The following TAOK3 variants were observed in gnomAD, a reference collection of about 807,000 sequenced individuals.
TAOK3 encodes the protein serine/threonine-protein kinase TAO3.
A neutral mutation model predicts 120.4 loss-of-function variants in TAOK3; 40 were observed. The observed-to-expected ratio is 0.33, with a 90% CI of 0.26 to 0.43. TAOK3 has a LOEUF of 0.43. Ranked by LOEUF, TAOK3 falls within the 20% of genes least tolerant of loss-of-function variation. The probability of loss-of-function intolerance (pLI) is 1.00; values close to 1 mark genes in which losing one functional copy is unlikely to be tolerated. For synonymous variants in TAOK3, 355 were observed against 387.5 expected (o/e 0.92, Z 0.99); for missense variants, 821 against 1,112.1 (o/e 0.74, Z 3.72).
intron 2 of TAOK3, among the ~76,000 whole-genome samples, chr12:118,265,643 G>A (rs114242323): frequency 2.1e-3 from 327 of 152,218 alleles, no homozygotes; most frequent in African/African-American, 7.5e-3. Flanking sequence ...TGGGGTAAGG[G>A]TATAAGAAAA....
intron 17 of TAOK3, among the ~76,000 whole-genome samples, chr12:118,164,085 G>A (rs1034218405): frequency 6.6e-6 from 1 of 151,714 alleles, no homozygotes; most frequent in East Asian, 2.0e-4. Context: ...CACTTTGGGA[G>A]GCCGAGGCGG....
chr12:118,248,717 G>A (rs937493990), intron 3 of TAOK3, among the ~76,000 whole-genome samples: 5 of 152,016 alleles, frequency 3.3e-5, no homozygotes, highest in African/African-American at 1.2e-4. Context: ...TATAATTAAT[G>A]CTATATTTGG....
chr12:118,303,805 A>G (rs1437101380), intron 1 of TAOK3, among the ~76,000 whole-genome samples: 1 of 151,982 alleles, frequency 6.6e-6, no homozygotes, highest in Non-Finnish European at 1.5e-5. Flanking sequence ...CTGCCAGCAT[A>G]CCCAGCTAAT....
At position 118,371,336 on chromosome 12, in the gene TAOK3, C is replaced by T. The variant is rs1212185305; in HGVS notation, c.-194+1312G>A. The stretch of plus-strand genomic sequence containing the variant: ...TTTTCATTAAGATCAGGAAGCCCCT[C>T]GCTTTCAAGACATCCACATCAGACT... On this transcript the variant is annotated intron_variant, in intron 1 of 20. Transcript: ENST00000392533. The surrounding 1 kb of genome is among the most constrained non-coding windows in gnomAD (Gnocchi z 5.5). Among the ~76,000 whole-genome samples, 1 of 152,172 alleles carries T rather than the reference C, an allele frequency of 6.6e-6. No homozygotes were observed. Among genetic ancestry groups the T allele is most frequent in the African/African-American group, 2.4e-5 (1 of 41,450 alleles).
intron 1 of TAOK3, among the ~76,000 whole-genome samples, chr12:118,304,405 T>C (rs908338852): frequency 1.3e-5 from 2 of 152,188 alleles, no homozygotes; most frequent in South Asian, 2.1e-4. Flanking sequence ...AAATATATAA[T>C]ATTAACCAAA....
chr12:118,345,848 GA>G (rs1465215476), intron 1 of TAOK3, among the ~76,000 whole-genome samples: 2 of 151,748 alleles, frequency 1.3e-5, no homozygotes, highest in African/African-American at 4.8e-5. Context: ...TAAAGACTAA[GA>G]AAAAAAATCC....
intron 14 of TAOK3, among the ~76,000 whole-genome samples, chr12:118,182,405 G>C (rs1173879791): frequency 6.6e-6 from 1 of 151,418 alleles, no homozygotes; most frequent in African/African-American, 2.4e-5. Context: ...TATCTGTTGT[G>C]GGGGCCGTCC....
chr12:118,173,591 G>A (rs960331553), intron 16 of TAOK3, among the ~76,000 whole-genome samples: 4 of 152,188 alleles, frequency 2.6e-5, no homozygotes, highest in African/African-American at 9.7e-5. Flanking sequence ...CTATGCAAAT[G>A]TCACTAGTTT....
chr12:118,349,256 C>A (rs1025472271), intron 1 of TAOK3, among the ~76,000 whole-genome samples: 1 of 152,156 alleles, frequency 6.6e-6, no homozygotes, highest in Non-Finnish European at 1.5e-5. Context: ...AGCAATTCCA[C>A]TCTAGGTATA....
chr12:118,276,124 G>A (rs1366484370), intron 1 of TAOK3, among the ~76,000 whole-genome samples: 2 of 152,190 alleles, frequency 1.3e-5, no homozygotes, highest in Non-Finnish European at 2.9e-5. Flanking sequence ...TGTTTAAAAG[G>A]ATCACTCTGA....
Position 118,255,525 on chromosome 12 carries a change from A to C in TAOK3, c.43T>G (p.Phe15Val). ...AGTTCCTCAGGATCATCTTTGTAGA[A>C]TAGATCGGCAATCTCTGGGTCCTTC... ...VLKDPEIADL[F>V]YKDDPEELFI... Residue 15 changes from phenylalanine (F) to valine (V), a missense_variant, in exon 3 of 21, where the codon TTC becomes GTC. By Grantham distance (50) the Phe-to-Val change is conservative (BLOSUM62 -1). Coordinates refer to ENST00000392533, the MANE Select transcript of TAOK3 (RefSeq NM_016281.4). 1.2e-6 allele frequency: 2 copies of C among 1,614,180 alleles called. No individual in the cohort carries two copies. Among genetic ancestry groups the C allele is most frequent in the Non-Finnish European group, 1.7e-6 (2 of 1,180,016 alleles).
intron 1 of TAOK3, among the ~76,000 whole-genome samples, chr12:118,297,779 T>C (rs1284651573): frequency 6.6e-6 from 1 of 152,202 alleles, no homozygotes; most frequent in East Asian, 1.9e-4. Context: ...TGCAAAGCCT[T>C]ACTAAGAATC....
chr12:118,322,269 C>CG (rs1461584608), intron 1 of TAOK3, among the ~76,000 whole-genome samples: 2 of 145,014 alleles, frequency 1.4e-5, no homozygotes, highest in African/African-American at 5.1e-5. Context: ...GAGCTGAGAT[C>CG]GCGCCACTAC....
intron 3 of TAOK3, among the ~76,000 whole-genome samples, chr12:118,247,933 T>A (rs1027131974): frequency 3.3e-5 from 5 of 152,202 alleles, no homozygotes; most frequent in Non-Finnish European, 7.4e-5. Flanking sequence ...AGTAAGCTAT[T>A]TTGCTTCTGT....
intron 11 of TAOK3, among the ~76,000 whole-genome samples, chr12:118,201,994 T>G (rs2139290105): frequency 6.6e-6 from 1 of 152,202 alleles, no homozygotes; most frequent in East Asian, 1.9e-4. Context: ...CCTTTCATTT[T>G]GTGTTTTATT....
intron 1 of TAOK3, among the ~76,000 whole-genome samples, chr12:118,328,262 T>C (rs934632827): frequency 6.6e-6 from 1 of 152,172 alleles, no homozygotes; most frequent in Non-Finnish European, 1.5e-5. Flanking sequence ...GATTTCACCA[T>C]GTTGGCCAGG....
At chr12:118,175,577 A>G (rs963260678) in intron 16 of TAOK3, among the ~76,000 whole-genome samples, 4 of 152,274 alleles carry the variant, frequency 2.6e-5, no homozygotes, top group Middle Eastern at 6.8e-3. Context: ...CAGTGAGCCG[A>G]GACTATGACA....
At chr12:118,194,340 G>T (rs2037593213) in intron 13 of TAOK3, among the ~76,000 whole-genome samples, 1 of 152,104 alleles carries the variant, frequency 6.6e-6, no homozygotes, top group Non-Finnish European at 1.5e-5. Flanking sequence ...GGAAGGGGAG[G>T]AGAAGATGAA....
At chr12:118,167,687 TTTTTTG>T (rs2035694047) in intron 17 of TAOK3, among the ~76,000 whole-genome samples, 1 of 151,930 alleles carries the variant, frequency 6.6e-6, no homozygotes, top group Non-Finnish European at 1.5e-5. Flanking sequence ...TTTTTTTCCT[TTTTTTG>T]CAAAATGACT....
Sources: allele counts gnomAD v4.1 joint callset (sites outside exome capture counted in the v4.1 genomes callset), GRCh38; gene constraint gnomAD v4.1.1; non-coding constraint Gnocchi (gnomAD v3.1); transcripts MANE v1.5; gene names NCBI Gene and HGNC (gene_info 2026-07-23, HGNC 2026-07-21).